STARD9: variants seen among roughly 807,000 people sequenced by gnomAD.
STARD9 encodes stAR-related lipid transfer protein 9.
In STARD9, 346 loss-of-function variants were observed where a neutral mutation model predicts 399.8. That is an observed-to-expected ratio of 0.87 (90% CI 0.79 to 0.95). The LOEUF is 0.95. Ranked by LOEUF, STARD9 falls within the 40% of genes least tolerant of loss-of-function variation. STARD9 has a pLI of 0.00. For missense variants in STARD9, 5,832 were observed against 5,667.5 expected (o/e 1.03, Z -0.93); for synonymous variants, 2,203 against 2,143.5 (o/e 1.03, Z -0.77).
chr15:42,596,191 G>T (rs2058501232), intron 3 of STARD9, among the ~76,000 whole-genome samples: 1 of 152,194 alleles, frequency 6.6e-6, no homozygotes, highest in South Asian at 2.1e-4. Flanking sequence ...ATCTGTAGGG[G>T]AGACATGCCC....
At chr15:42,587,770 G>C (rs538828373) in intron 3 of STARD9, among the ~76,000 whole-genome samples, 1 of 152,078 alleles carries the variant, frequency 6.6e-6, no homozygotes, top group African/African-American at 2.4e-5. Flanking sequence ...TCTCCGTGTT[G>C]GTCAGGCTGA....
At position 42,694,189 on chromosome 15, in the gene STARD9, A is replaced by C. The variant is rs899045128; in HGVS notation, c.12611A>C (p.Gln4204Pro). Residue 4204 changes from glutamine to proline, a missense_variant, in exon 23 of 33, where the codon CAG (glutamine) becomes CCG (proline). This residue lies in a region of STARD9 where 5,828 missense variants were observed against 5,651.1 expected (regional missense o/e 1.03). Transcript: ENST00000290607. The part of the protein sequence containing the change: ...REQIPLQVGA[Q>P]NLSLSVELTE... ...CAGATCCCCCTGCAAGTTGGGGCCC[A>C]GAACCTCTCACTCAGCGTGGAACTC... The C allele has an allele frequency of 6.5e-7, 1 of 1,535,776 alleles. No homozygotes were observed. Among genetic ancestry groups the C allele is most frequent in the Non-Finnish European group, 8.7e-7 (1 of 1,146,296 alleles).
At position 42,685,924 on chromosome 15, in the gene STARD9, C is replaced by T. The variant is rs2060543687; in HGVS notation, c.4346C>T (p.Thr1449Ile). The change falls in exon 23 of 33, where the codon ACC (threonine) becomes ATC (isoleucine). Residue 1449 changes from threonine (T) to isoleucine (I), a missense_variant. By Grantham distance (89) the Thr-to-Ile change is moderately conservative (BLOSUM62 -1). This residue lies in a region of STARD9 where 5,828 missense variants were observed against 5,651.1 expected (regional missense o/e 1.03). Transcript: ENST00000290607. ...CAGGGCAGATGTATCCCTGACATGACCCAGCAGGGCAGCTCTGAAGCATCC... is the reference window on the plus strand; with the variant it reads ...CAGGGCAGATGTATCCCTGACATGATCCAGCAGGGCAGCTCTGAAGCATCC... ...TFQGRCIPDM[T>I]QQGSSEASHN... The T allele has an allele frequency of 6.5e-7, 1 of 1,537,210 alleles. No individual in the cohort carries two copies.
At chr15:42,675,793 C>A in intron 19 of STARD9, 47 bp downstream of exon 19, 6 of 1,534,008 alleles carry the variant, frequency 3.9e-6, no homozygotes, top group Non-Finnish European at 5.2e-6. Flanking sequence ...TCCCTGTTTC[C>A]ACCTTTTAGA....
Position 42,690,576 on chromosome 15 carries a change from G to T in STARD9, c.8998G>T (p.Val3000Leu). The T allele has an allele frequency of 6.5e-7, 1 of 1,537,206 alleles. No individual in the cohort carries two copies. The highest frequency in any genetic ancestry group is 1.2e-5 in the South Asian group (1 of 84,060). The stretch of plus-strand genomic sequence containing the variant: ...ACATACTATCCACCCACCCTGTGTA[G>T]TACCTTCCAGGGCCTATGAAATGGA... ...APHTIHPPCV[V>L]PSRAYEMDET... Residue 3000 changes from valine to leucine, a missense_variant, in exon 23 of 33, where the codon GTA (valine) becomes TTA (leucine). This residue lies in a region of STARD9 where 5,828 missense variants were observed against 5,651.1 expected (regional missense o/e 1.03). Transcript: ENST00000290607.
chr15:42,706,552 C>T (rs948888740), intron 26 of STARD9, among the ~76,000 whole-genome samples: 7 of 151,554 alleles, frequency 4.6e-5, no homozygotes, highest in East Asian at 1.9e-4. Context: ...AATCTTTAAG[C>T]GATTCTCCTG....
At chr15:42,611,320 T>G (rs186273061) in intron 3 of STARD9, among the ~76,000 whole-genome samples, 1 of 152,248 alleles carries the variant, frequency 6.6e-6, no homozygotes, top group Admixed American at 6.5e-5. Context: ...GCTATCTGGC[T>G]CTTGATAGAA....
At position 42,691,374 on chromosome 15, in the gene STARD9, G is replaced by A. The variant is rs145869433; in HGVS notation, c.9796G>A (p.Gly3266Ser). ...KPPVSKILSQ[G>S]FKDPATVSLR... ...TCCTGTGTCCAAGATTTTATCACAGGGCTTCAAAGACCCAGCCACTGTGTC... is the reference window on the plus strand; with the variant it reads ...TCCTGTGTCCAAGATTTTATCACAGAGCTTCAAAGACCCAGCCACTGTGTC... The change falls in exon 23 of 33, where the codon GGC becomes AGC. Residue 3266 changes from glycine (G) to serine (S), a missense_variant. Coordinates refer to ENST00000290607, the MANE Select transcript of STARD9 (RefSeq NM_020759.3). The A allele has an allele frequency of 1.8e-3, 2,769 of 1,537,154 alleles. 4 individuals carry two copies. Among genetic ancestry groups the A allele is most frequent in the Non-Finnish European group, 2.3e-3 (2,609 of 1,146,870 alleles).
chr15:42,642,174 T>A (rs1436340296), intron 7 of STARD9, among the ~76,000 whole-genome samples: 1 of 152,218 alleles, frequency 6.6e-6, no homozygotes, highest in Non-Finnish European at 1.5e-5. Context: ...TACAGAAATT[T>A]ATTGAGTACC....
At chr15:42,581,549 G>A (rs2058170991) in intron 1 of STARD9, 1 of 1,132,266 alleles carries the variant, frequency 8.8e-7, no homozygotes, top group Non-Finnish European at 1.3e-6. Flanking sequence ...GGGCCGGTCT[G>A]CTCCAGCTCC....
intron 3 of STARD9, among the ~76,000 whole-genome samples, chr15:42,588,781 T>TG: frequency 7.0e-5 from 1 of 14,350 alleles, no homozygotes; most frequent in African/African-American, 1.4e-4. Context: ...ACAGCGTTTT[T>TG]TTTTTTTTTT....
At chr15:42,636,689 G>A (rs894909915) in intron 4 of STARD9, among the ~76,000 whole-genome samples, 9 of 152,202 alleles carry the variant, frequency 5.9e-5, no homozygotes, top group Non-Finnish European at 8.8e-5. Flanking sequence ...ATTCCTCTTA[G>A]ATGATTATCC....
At position 42,719,729 on chromosome 15, in the gene STARD9, G is replaced by C. The variant is rs957332430; in HGVS notation, c.*155G>C. On this transcript the variant is annotated 3_prime_UTR_variant, in exon 33 of 33. Coordinates refer to ENST00000290607, the MANE Select transcript of STARD9 (RefSeq NM_020759.3). ...GGGCAGACAGCACTGGCCCAGGGAT[G>C]CTAGCAAAGCCCAGTCAGTACTTGG... 3 of 602,152 alleles carry C rather than the reference G, an allele frequency of 5.0e-6. No homozygotes were observed. The African/African-American group carries it at 5.6e-5, about 11-fold the overall frequency. 37.3% of individuals were successfully genotyped at this position (602,152 alleles called of 1,614,324 possible).
intron 9 of STARD9, among the ~76,000 whole-genome samples, chr15:42,656,324 T>A (rs2059869941): frequency 1.4e-5 from 1 of 69,986 alleles, no homozygotes; most frequent in Non-Finnish European, 2.5e-5. Flanking sequence ...TCCAGCCATC[T>A]CCTAAAAAAA....
intron 3 of STARD9, among the ~76,000 whole-genome samples, chr15:42,593,887 C>T (rs964717175): frequency 1.3e-5 from 2 of 151,796 alleles, no homozygotes; most frequent in African/African-American, 2.4e-5. Context: ...CCAGAATGGT[C>T]TTGATCTCCT....
intron 3 of STARD9, 94 bp downstream of exon 3, chr15:42,585,731 T>C: frequency 1.2e-6 from 1 of 800,572 alleles, no homozygotes; most frequent in Non-Finnish European, 2.0e-6. Context: ...AAGGTTAGTA[T>C]AGCACAGTTG....
chr15:42,694,670 A>T lies in STARD9; in HGVS notation c.12907A>T (p.Ser4303Cys). 6.5e-7 allele frequency: 1 copy of T among 1,537,212 alleles called. No individual in the cohort carries two copies. The highest frequency in any genetic ancestry group is 1.2e-5 in the South Asian group (1 of 84,062). Residue 4303 changes from serine (S) to cysteine (C), a missense_variant, in exon 24 of 33, where the codon AGC (serine) becomes TGC (cysteine). Physicochemically the swap from Ser to Cys is moderately radical, Grantham distance 112 (BLOSUM62 -1). Around this residue, in one of 2 missense-constraint regions of STARD9, gnomAD observed 5,828 missense variants for 5,651.1 expected, o/e 1.03. Coordinates refer to ENST00000290607, the MANE Select transcript of STARD9 (RefSeq NM_020759.3). Reference sequence around the variant, plus strand: ...CTTCATCTGGGATCTTGACTTGCCCAGCAGACGCCGAGAATACCTGCAGCA... The same window carrying T: ...CTTCATCTGGGATCTTGACTTGCCCTGCAGACGCCGAGAATACCTGCAGCA... Reference protein sequence around the residue: ...DLFIWDLDLPSRRREYLQQLR... With the variant: ...DLFIWDLDLPCRRREYLQQLR...
At chr15:42,643,641 A>G (rs2059587532) in intron 7 of STARD9, among the ~76,000 whole-genome samples, 1 of 152,024 alleles carries the variant, frequency 6.6e-6, no homozygotes, top group Non-Finnish European at 1.5e-5. Flanking sequence ...AGCTGGGACT[A>G]CAGATGTGCA....
At position 42,692,970 on chromosome 15, in the gene STARD9, C is replaced by G; in HGVS notation, c.11392C>G (p.Leu3798Val). The G allele has an allele frequency of 1.3e-6, 2 of 1,537,216 alleles. No homozygotes were observed. The highest frequency in any genetic ancestry group is 1.4e-5 in the African/African-American group (1 of 73,142). ...AACAGCACAGAAAATGGCTCAGCTC[C>G]TCTATCTTCAGGAAGAAAGCACTCC... ...EETAQKMAQL[L>V]YLQEESTPYK... Residue 3798 changes from leucine to valine, a missense_variant, in exon 23 of 33, where the codon CTC becomes GTC. Coordinates refer to ENST00000290607, the MANE Select transcript of STARD9 (RefSeq NM_020759.3).
Sources: gnomAD v4.1 joint callset for allele counts (sites outside exome capture counted in the v4.1 genomes callset) on GRCh38, gnomAD v4.1.1 for gene constraint, gnomAD v4.1.1 regional missense constraint, MANE v1.5 for transcripts, NCBI Gene and HGNC (gene_info 2026-07-23, HGNC 2026-07-21) for gene names.